RIMS1: variants seen among roughly 807,000 people sequenced by gnomAD.
RIMS1 encodes the protein regulating synaptic membrane exocytosis 1.
Under a neutral mutation model 214.1 loss-of-function variants are expected in RIMS1, and 83 were observed. That is an observed-to-expected ratio of 0.39 (90% CI 0.32 to 0.47). The LOEUF (loss-of-function observed/expected upper bound fraction) is 0.47. Among genes scored for constraint, RIMS1 ranks in the 20% least tolerant of loss-of-function variants. The pLI is 0.99. For missense variants in RIMS1, 2,050 were observed against 2,161.8 expected (o/e 0.95, Z 1.03); for synonymous variants, 793 against 786.8 (o/e 1.01, Z -0.13).
chr6:72,210,618 A>AC (rs1241713698), intron 6 of RIMS1, among the ~76,000 whole-genome samples: 1 of 152,186 alleles, frequency 6.6e-6, no homozygotes, highest in African/African-American at 2.4e-5. Flanking sequence ...ACAGCCTTGA[A>AC]CCAGATATTA....
chr6:72,143,695 G>A (rs2042357046), intron 4 of RIMS1, among the ~76,000 whole-genome samples: 1 of 152,190 alleles, frequency 6.6e-6, no homozygotes, highest in African/African-American at 2.4e-5. Context: ...CACTGCCTGT[G>A]AAGATCAAAC....
At chr6:72,361,288 T>C (rs970176969) in intron 29 of RIMS1, among the ~76,000 whole-genome samples, 1 of 151,578 alleles carries the variant, frequency 6.6e-6, no homozygotes, top group African/African-American at 2.4e-5. Context: ...GTATTTTTAG[T>C]AGAGACGGGG....
intron 24 of RIMS1, among the ~76,000 whole-genome samples, chr6:72,285,783 A>G (rs1363212894): frequency 2.0e-5 from 3 of 152,196 alleles, no homozygotes; most frequent in African/African-American, 4.8e-5. Context: ...TAAATTTTCA[A>G]TCTTCAACCA....
At chr6:72,186,382 A>C (rs1377823978) in intron 6 of RIMS1, among the ~76,000 whole-genome samples, 1 of 152,252 alleles carries the variant, frequency 6.6e-6, no homozygotes, top group Non-Finnish European at 1.5e-5. Context: ...AAATTAAATA[A>C]ATGAACTTAA....
rs1187113919 is a variant in RIMS1, at chr6:72,157,218, C to T, written c.472-22357C>T. On this transcript the variant is annotated intron_variant, in intron 4 of 33. Transcript: ENST00000521978. Reference sequence around the variant, plus strand: ...ATTTATGTGTCAGGCATGTGGGGAACAGACTGCATCAAATATATAGAGCAT... The same window carrying T: ...ATTTATGTGTCAGGCATGTGGGGAATAGACTGCATCAAATATATAGAGCAT... Among the ~76,000 whole-genome samples the T allele has an allele frequency of 2.1e-5, 3 of 140,580 alleles. 1 individual carries two copies. Among genetic ancestry groups the T allele is most frequent in the Non-Finnish European group, 4.9e-5 (3 of 61,814 alleles). The allele number at this position is 140,580 out of a possible 152,430, so 92.2% of individuals were successfully genotyped here.
At chr6:72,353,688 T>C (rs889085451) in intron 29 of RIMS1, among the ~76,000 whole-genome samples, 1 of 152,236 alleles carries the variant, frequency 6.6e-6, no homozygotes, top group African/African-American at 2.4e-5. Context: ...TATTTTGCTC[T>C]TTTTCTCTCT....
intron 19 of RIMS1, 56 bp downstream of exon 19, chr6:72,260,823 A>G (rs996139976): frequency 7.5e-6 from 12 of 1,596,278 alleles, no homozygotes; most frequent in Admixed American, 3.5e-5. Context: ...TTTCCATTCT[A>G]TTATTCTTCC....
chr6:72,306,811 A>G (rs2095214253), intron 26 of RIMS1, among the ~76,000 whole-genome samples: 1 of 152,180 alleles, frequency 6.6e-6, no homozygotes, highest in East Asian at 1.9e-4. Context: ...TTAGGTGACT[A>G]CTGTTAGCTG....
Position 72,024,900 on chromosome 6 carries a change from G to GTTTTTTTTTTTTTTTTT in RIMS1, c.245+55844_245+55860dup, listed in dbSNP as rs777214787. Reference sequence around the variant, plus strand: ...AACTCAGGATTCTTAAAATCTGTGGGTTTTTTTTTTTTTTTTTTTTTTTGA... The same window carrying GTTTTTTTTTTTTTTTTT: ...AACTCAGGATTCTTAAAATCTGTGGGTTTTTTTTTTTTTTTTTTTTTTTTTTTTTTTTTTTTTTTTGA... On this transcript the variant is annotated intron_variant, in intron 2 of 33. Transcript: ENST00000521978. Among the ~76,000 whole-genome samples the GTTTTTTTTTTTTTTTTT allele has an allele frequency of 7.0e-4, 69 of 98,664 alleles. 7 individuals carry two copies. Among genetic ancestry groups the GTTTTTTTTTTTTTTTTT allele is most frequent in the African/African-American group, 2.6e-3 (68 of 26,620 alleles). The allele number at this position is 98,664 out of a possible 152,430, so 64.7% of individuals were successfully genotyped here.
intron 5 of RIMS1, among the ~76,000 whole-genome samples, chr6:72,181,059 A>G (rs11759297): frequency 0.14 from 21,871 of 151,672 alleles, 1,847 homozygotes; most frequent in South Asian, 0.2. Context: ...AGAGGGCATA[A>G]AGATGATTAG....
intron 2 of RIMS1, among the ~76,000 whole-genome samples, chr6:72,061,289 A>G (rs1365159329): frequency 1.3e-5 from 2 of 152,240 alleles, no homozygotes; most frequent in Non-Finnish European, 2.9e-5. Context: ...TCAAAATTAT[A>G]ATGTGGTATT....
intron 22 of RIMS1, 92 bp from the exon 23 acceptor site, chr6:72,274,257 G>C: frequency 1.3e-6 from 1 of 757,860 alleles, no homozygotes; most frequent in Non-Finnish European, 2.2e-6. Context: ...CCTTTATGGG[G>C]TGCTTTTCCA....
intron 4 of RIMS1, among the ~76,000 whole-genome samples, chr6:72,164,334 C>T (rs983460211): frequency 1.3e-5 from 2 of 152,150 alleles, no homozygotes; most frequent in African/African-American, 4.8e-5. Context: ...ATCCCTTGTG[C>T]TTCCTGGGTG....
At chr6:72,131,993 G>A (rs2040525839) in intron 4 of RIMS1, among the ~76,000 whole-genome samples, 1 of 152,208 alleles carries the variant, frequency 6.6e-6, no homozygotes, top group Non-Finnish European at 1.5e-5. Context: ...GGCGGTCAGA[G>A]TTTAAGGTTA....
intron 4 of RIMS1, among the ~76,000 whole-genome samples, chr6:72,146,051 A>T (rs1440695241): frequency 2.6e-5 from 4 of 152,250 alleles, no homozygotes; most frequent in Admixed American, 1.3e-4. Flanking sequence ...ACAAAGGATC[A>T]GCAATATTTT....
chr6:72,040,746 A>G lies in RIMS1; in HGVS notation c.246-56203A>G, dbSNP rs978312972. 2.0e-5 allele frequency among the ~76,000 whole-genome samples: 3 copies of G among 151,846 alleles called. 1 individual carries two copies. The highest frequency in any genetic ancestry group is 4.4e-5 in the Non-Finnish European group (3 of 67,856). ...CTAAAATAAATCTAAAAAATAGTAG[A>G]TTGTTAGGTAAAAGACCATTTTATT... On this transcript the variant is annotated intron_variant, in intron 2 of 33. Transcript: ENST00000521978.
At chr6:72,034,244 C>T (rs1194094016) in intron 2 of RIMS1, among the ~76,000 whole-genome samples, 1 of 152,096 alleles carries the variant, frequency 6.6e-6, no homozygotes, top group Non-Finnish European at 1.5e-5. Context: ...ACATACTTAT[C>T]CCTTATATAG....
intron 1 of RIMS1, among the ~76,000 whole-genome samples, chr6:71,963,859 T>G (rs1793682826): frequency 6.6e-6 from 1 of 152,200 alleles, no homozygotes; most frequent in Non-Finnish European, 1.5e-5. Context: ...TACTGAAGCT[T>G]GAAATCTATA....
At chr6:72,096,717 G>A (rs1463915670) in intron 2 of RIMS1, among the ~76,000 whole-genome samples, 1 of 152,170 alleles carries the variant, frequency 6.6e-6, no homozygotes, top group Non-Finnish European at 1.5e-5. Context: ...GGCTTATGTA[G>A]CTTCTACATA....
Sources: gnomAD v4.1 joint callset for allele counts (sites outside exome capture counted in the v4.1 genomes callset) on GRCh38, gnomAD v4.1.1 for gene constraint, MANE v1.5 for transcripts, NCBI Gene and HGNC (gene_info 2026-07-23, HGNC 2026-07-21) for gene names.